Variants in ERC1 observed in about 807,000 individuals in gnomAD.
ERC1 encodes the protein ELKS/RAB6-interacting/CAST family member 1.
Under a neutral mutation model 132.0 loss-of-function variants are expected in ERC1, and 56 were observed. That is an observed-to-expected ratio of 0.42 (90% CI 0.34 to 0.53). The LOEUF (loss-of-function observed/expected upper bound fraction) is 0.53, where lower values mean the gene tolerates loss of function less well. Ranked by LOEUF, ERC1 falls within the 20% of genes least tolerant of loss-of-function variation. The pLI is 0.03. For synonymous variants in ERC1, 478 were observed against 476.1 expected (o/e 1.00, Z -0.05); for missense variants, 1,202 against 1,349.9 (o/e 0.89, Z 1.72).
intron 17 of ERC1, among the ~76,000 whole-genome samples, chr12:1,419,815 C>T (rs957476583): frequency 3.5e-5 from 5 of 143,446 alleles, no homozygotes; most frequent in African/African-American, 1.3e-4. Context: ...TATTTTGCTA[C>T]AATTTTAAAA....
chr12:1,133,431 C>G (rs553300571), intron 7 of ERC1, among the ~76,000 whole-genome samples: 77 of 152,284 alleles, frequency 5.1e-4, no homozygotes, highest in Non-Finnish European at 9.1e-4. Context: ...GGAACCAAAC[C>G]TGACACTGTC....
chr12:1,428,540 CCTACGA>C (rs1191822517), intron 17 of ERC1, among the ~76,000 whole-genome samples: 3 of 152,100 alleles, frequency 2.0e-5, no homozygotes, highest in Non-Finnish European at 2.9e-5. Context: ...CCTCAGTTAG[CCTACGA>C]CTTGACCTTT....
chr12:1,403,419 G>A lies in ERC1; in HGVS notation c.2926-4730G>A, dbSNP rs567314646. Among the ~76,000 whole-genome samples the A allele has an allele frequency of 1.2e-4, 18 of 152,288 alleles. 1 individual carries two copies. The highest frequency in any genetic ancestry group is 4.3e-4 in the African/African-American group (18 of 41,566). On this transcript the variant is annotated intron_variant, in intron 16 of 18. Coordinates refer to ENST00000360905, the MANE Select transcript of ERC1 (RefSeq NM_178040.4). The stretch of plus-strand genomic sequence containing the variant: ...AGCATACTATGAGAGCCCCTTAAGA[G>A]CACAGAGTCATTTATATGATCTGTG...
chr12:1,231,328 T>C (rs1047825959), intron 12 of ERC1, among the ~76,000 whole-genome samples: 5 of 152,212 alleles, frequency 3.3e-5, no homozygotes, highest in African/African-American at 7.2e-5. Flanking sequence ...CTTCACAGTT[T>C]ATGCTATTGA....
chr12:1,097,290 T>A (rs1217610061), intron 3 of ERC1, among the ~76,000 whole-genome samples: 2 of 152,230 alleles, frequency 1.3e-5, no homozygotes, highest in Admixed American at 1.3e-4. Flanking sequence ...ATCTGGATTT[T>A]GGTACCTTCC....
At chr12:1,049,921 T>A (rs897570004) in intron 2 of ERC1, among the ~76,000 whole-genome samples, 1 of 152,082 alleles carries the variant, frequency 6.6e-6, no homozygotes, top group Non-Finnish European at 1.5e-5. Flanking sequence ...TTTTGTATTT[T>A]TAGTAGAGAC....
At chr12:1,434,125 T>C (rs1400205666) in intron 17 of ERC1, among the ~76,000 whole-genome samples, 1 of 152,098 alleles carries the variant, frequency 6.6e-6, no homozygotes, top group African/African-American at 2.4e-5. Flanking sequence ...TAGAGTTAGA[T>C]TTTATCATTT....
chr12:1,024,325 G>A (rs1028925837), intron 1 of ERC1, among the ~76,000 whole-genome samples: 7 of 152,116 alleles, frequency 4.6e-5, no homozygotes, highest in Admixed American at 3.9e-4. Flanking sequence ...AGGCCACGGT[G>A]AGCTGTGATT....
At chr12:1,409,694 CCCATAT>C (rs2091727400) in intron 17 of ERC1, among the ~76,000 whole-genome samples, 1 of 152,040 alleles carries the variant, frequency 6.6e-6, no homozygotes, top group Non-Finnish European at 1.5e-5. Context: ...CACACATCCT[CCCATAT>C]ACTGTGTTTT....
At chr12:1,190,136 A>G in intron 12 of ERC1, 84 bp downstream of exon 12, 1 of 1,200,148 alleles carries the variant, frequency 8.3e-7, no homozygotes. Flanking sequence ...TTTTCAGTGT[A>G]TCTAACTCTG....
At chr12:1,323,111 T>C (rs2082219955) in intron 15 of ERC1, among the ~76,000 whole-genome samples, 1 of 152,186 alleles carries the variant, frequency 6.6e-6, no homozygotes, top group African/African-American at 2.4e-5. Context: ...GTATAGACTG[T>C]ATATTTTGTG....
intron 2 of ERC1, among the ~76,000 whole-genome samples, chr12:1,050,875 C>T (rs1433646173): frequency 5.3e-5 from 8 of 151,982 alleles, no homozygotes; most frequent in South Asian, 2.1e-4. Context: ...CGTGGTGGCG[C>T]GTTCCTGTAG....
At chr12:1,474,685 AT>A (rs1281614858) in intron 18 of ERC1, among the ~76,000 whole-genome samples, 8 of 151,984 alleles carry the variant, frequency 5.3e-5, no homozygotes, top group Non-Finnish European at 1.2e-4. Context: ...CGCATTCCTT[AT>A]TCTTTAGACT....
At chr12:1,251,538 A>T (rs1038287620) in intron 13 of ERC1, among the ~76,000 whole-genome samples, 6 of 152,128 alleles carry the variant, frequency 3.9e-5, no homozygotes, top group Non-Finnish European at 7.4e-5. Flanking sequence ...ATCCCTGTGG[A>T]TAGTTGCTGA....
Position 1,263,170 on chromosome 12 carries a change from G to T in ERC1, c.2619+5G>T. 6.2e-7 allele frequency: 1 copy of T among 1,613,670 alleles called. No homozygotes were observed. The highest frequency in any genetic ancestry group is 8.5e-7 in the Non-Finnish European group (1 of 1,179,846). On this transcript the variant is annotated splice_donor_5th_base_variant and intron_variant, in intron 14 of 18. Coordinates refer to ENST00000360905, the MANE Select transcript of ERC1 (RefSeq NM_178040.4). ...AGGACCAATGCTGAAAAACAGGTCT[G>T]CTATTTTATACAGTTCCAAGCAATG...
intron 3 of ERC1, among the ~76,000 whole-genome samples, chr12:1,093,234 C>T (rs1181204564): frequency 1.3e-5 from 2 of 152,166 alleles, no homozygotes; most frequent in African/African-American, 4.8e-5. Flanking sequence ...AGTAAGATTT[C>T]AATGAAGCAT....
chr12:1,076,613 T>C lies in ERC1; in HGVS notation c.670-6551T>C, dbSNP rs183399686. Reference sequence around the variant, plus strand: ...TTTCACCATGGTGGTCAGGCTGATCTTGAACTCCTGACCTTGTGATCCGCC... The same window carrying C: ...TTTCACCATGGTGGTCAGGCTGATCCTGAACTCCTGACCTTGTGATCCGCC... On this transcript the variant is annotated intron_variant, in intron 2 of 18. Transcript: ENST00000360905. Among the ~76,000 whole-genome samples, 746 of 152,260 alleles carry C rather than the reference T, an allele frequency of 4.9e-3. 10 individuals are homozygous for C. The highest frequency in any genetic ancestry group is 0.017 in the African/African-American group (721 of 41,540).
chr12:1,044,420 T>C (rs1970761253), intron 2 of ERC1, among the ~76,000 whole-genome samples: 1 of 152,208 alleles, frequency 6.6e-6, no homozygotes, highest in Non-Finnish European at 1.5e-5. Flanking sequence ...TGAAGTTCTT[T>C]TCAAGGTAGA....
At chr12:1,302,482 A>G (rs1460968895) in intron 15 of ERC1, among the ~76,000 whole-genome samples, 1 of 152,328 alleles carries the variant, frequency 6.6e-6, no homozygotes, top group East Asian at 1.9e-4. Flanking sequence ...CTAGTAATGC[A>G]AGAAAAGAAG....
Sources: allele counts gnomAD v4.1 joint callset (sites outside exome capture counted in the v4.1 genomes callset), GRCh38; gene constraint gnomAD v4.1.1; transcripts MANE v1.5; gene names NCBI Gene and HGNC (gene_info 2026-07-23, HGNC 2026-07-21).